The following UBE3B variants were observed in gnomAD, a reference collection of about 807,000 sequenced individuals.
UBE3B encodes the protein ubiquitin-protein ligase E3B.
UBE3B carries 80 observed loss-of-function variants against 132.3 expected under a neutral mutation model. The ratio of observed to expected loss-of-function variants is 0.60; its 90% confidence interval spans 0.50 to 0.73. The LOEUF (loss-of-function observed/expected upper bound fraction) is 0.73, where lower values mean the gene tolerates loss of function less well. UBE3B is among the 30% of genes least tolerant of loss of function. UBE3B has a pLI of 0.00. For synonymous variants in UBE3B, 487 were observed against 520.4 expected, an observed-to-expected ratio of 0.94 and a Z score of 0.87; for missense variants, 1,196 against 1,362.5, an observed-to-expected ratio of 0.88 and a Z score of 1.92.
chr12:109,508,080 G>A (rs916762986), intron 15 of UBE3B, among the ~76,000 whole-genome samples: 1 of 150,952 alleles, frequency 6.6e-6, no homozygotes, highest in Admixed American at 6.5e-5. Flanking sequence ...GAGCCAGGGT[G>A]CAGATCCTTG....
In UBE3B at chr12:109,507,725, C is replaced by A; in HGVS notation, c.1612C>A (p.His538Asn). ...MLMLFCDCSRHLITILDDIEV... is the reference protein window; with the variant it reads ...MLMLFCDCSRNLITILDDIEV... ...GATGCTGTTCTGTGACTGTTCGCGG[C>A]ACCTCATCACGTAGGTTGACTGCTG... Residue 538 changes from histidine (H) to asparagine (N), a missense_variant, in exon 15 of 28, where the codon CAC becomes AAC. His to Asn is a moderately conservative substitution (Grantham distance 68). Transcript: ENST00000342494. 6.2e-7 allele frequency: 1 copy of A among 1,612,544 alleles called. No homozygotes were observed. Among genetic ancestry groups the A allele is most frequent in the Non-Finnish European group, 8.5e-7 (1 of 1,179,278 alleles).
At chr12:109,506,126 GTA>G (rs1879639538) in intron 14 of UBE3B, among the ~76,000 whole-genome samples, 1 of 152,274 alleles carries the variant, frequency 6.6e-6, no homozygotes, top group African/African-American at 2.4e-5. Flanking sequence ...TTCCATTTTT[GTA>G]TAGTTCAGAG....
At chr12:109,527,606 G>T (rs1256344568) in intron 24 of UBE3B, among the ~76,000 whole-genome samples, 2 of 152,204 alleles carry the variant, frequency 1.3e-5, no homozygotes, top group Non-Finnish European at 2.9e-5. Flanking sequence ...AACAGACCCT[G>T]TTTTCATAAT....
chr12:109,530,882 C>T (rs563769031), intron 26 of UBE3B, among the ~76,000 whole-genome samples: 1 of 152,310 alleles, frequency 6.6e-6, no homozygotes, highest in South Asian at 2.1e-4. Context: ...CAGGGACAGG[C>T]CCCCTGCACA....
At chr12:109,543,966 G>A in the UBE3B span, among the ~76,000 whole-genome samples, 2 of 152,128 alleles carry the variant, frequency 1.3e-5, no homozygotes, top group Admixed American at 6.5e-5. Flanking sequence ...TGGGCCACCC[G>A]AGATGTTAGC....
Position 109,515,456 on chromosome 12 carries a change from G to A in UBE3B, c.1957-1309G>A, listed in dbSNP as rs528440126. ...ACGATCTTGGCTCACCACAACCTGC[G>A]CCTCCCAAGTTCAAGCGATTCTCCT... On this transcript the variant is annotated intron_variant, in intron 18 of 27. Transcript: ENST00000342494. 7.9e-5 allele frequency among the ~76,000 whole-genome samples: 12 copies of A among 151,354 alleles called. 2 individuals are homozygous for A. In the South Asian group the frequency reaches 1.9e-3, roughly 24 times the overall value.
At chr12:109,539,812 C>G (rs1054794991), downstream of UBE3B, among the ~76,000 whole-genome samples, 4 of 152,096 alleles carry the variant, frequency 2.6e-5, no homozygotes, top group African/African-American at 9.7e-5. Context: ...CCCTGTGTGC[C>G]CACACCCCAG....
intron 24 of UBE3B, among the ~76,000 whole-genome samples, chr12:109,527,042 G>A (rs1451496563): frequency 2.6e-5 from 4 of 152,046 alleles, no homozygotes; most frequent in Non-Finnish European, 5.9e-5. Context: ...AACCCAGAGG[G>A]CACAGAGGTG....
intron 4 of UBE3B, 39 bp from the exon 5 acceptor site, chr12:109,485,973 A>T (rs1876358090): frequency 6.5e-7 from 1 of 1,549,236 alleles, no homozygotes; most frequent in Non-Finnish European, 8.7e-7. Flanking sequence ...TTTTTGATGG[A>T]TTGTGGGAAT....
In UBE3B at chr12:109,528,624, C is replaced by A. The variant is rs1430700555; in HGVS notation, c.2628-1266C>A. ...ATCCCAGCACTTTGGGAGGCCAAGG[C>A]AGGTGGATCACCTGAGATCAGGAGT... On this transcript the variant is annotated intron_variant, in intron 24 of 27. Transcript: ENST00000342494. 8.1e-6 allele frequency: 3 copies of A among 372,342 alleles called. No homozygotes were observed. The South Asian group carries it at 3.3e-4, about 41-fold the overall frequency. 23.1% of individuals were successfully genotyped at this position (372,342 alleles called of 1,614,324 possible). A position where few individuals can be genotyped will look rare whatever the true frequency, so the allele number is the denominator to read the frequency against.
Position 109,491,076 on chromosome 12 carries a change from G to A in UBE3B, c.662G>A (p.Arg221His), listed in dbSNP as rs747230707. ...ILLTRGLARP[R>H]PCLSKGTLTA... ...TTAACCCGTGGCCTGGCAAGACCCC[G>A]TCCTTGTCTATCCAAAGGCACTTTA... The change falls in exon 9 of 28, where the codon CGT becomes CAT. Residue 221 changes from arginine (R) to histidine (H), a missense_variant. Arg to His is a conservative substitution (Grantham distance 29, BLOSUM62 0). Transcript: ENST00000342494. 60 of 1,613,792 alleles carry A rather than the reference G, an allele frequency of 3.7e-5. No individual in the cohort carries two copies. Among genetic ancestry groups the A allele is most frequent in the East Asian group, 2.0e-4 (9 of 44,900 alleles).
In UBE3B at chr12:109,486,038, C is replaced by A; in HGVS notation, c.309C>A (p.Ile103=). The A allele has an allele frequency of 6.4e-7, 1 of 1,555,248 alleles. No individual in the cohort carries two copies. The highest frequency in any genetic ancestry group is 2.4e-5 in the East Asian group (1 of 41,398). Residue 103 remains isoleucine, a synonymous_variant, in exon 5 of 28, where the codon ATC becomes ATA. Transcript: ENST00000342494. ...NERFEKLCRS[I]LSSMDAENEP... is the part of the protein sequence containing the mutation. ...GATTTGAGAAGTTGTGTCGCAGCATCCTGAGCAGCATGGATGCTGAGAATG... is the reference window on the plus strand; with the variant it reads ...GATTTGAGAAGTTGTGTCGCAGCATACTGAGCAGCATGGATGCTGAGAATG...
chr12:109,508,018 C>G (rs536568501), intron 15 of UBE3B, among the ~76,000 whole-genome samples: 48 of 152,274 alleles, frequency 3.2e-4, no homozygotes, highest in Admixed American at 2.7e-3. Context: ...TAGATCATGG[C>G]TCAGCCATTT....
chr12:109,523,608 A>G (rs774201507), intron 21 of UBE3B, among the ~76,000 whole-genome samples: 7 of 152,116 alleles, frequency 4.6e-5, no homozygotes, highest in Non-Finnish European at 7.4e-5. Context: ...TGCCAATGCC[A>G]TGGCTGCCCT....
At position 109,521,352 on chromosome 12, in the gene UBE3B, G is replaced by A. The variant is rs756704788; in HGVS notation, c.2253+28G>A. ...ATTTAAGGGGAGCAACAGCAGGGCT[G>A]ACAGCAGCCAGATTCAAGAAGTGAA... On this transcript the variant is annotated intron_variant, in intron 20 of 27. Coordinates refer to ENST00000342494, the MANE Select transcript of UBE3B (RefSeq NM_130466.4). This position sits in a 1 kb window ranked among gnomAD's most constrained non-coding sequence, Gnocchi z 4.2. 2 of 1,606,298 alleles carry A rather than the reference G, an allele frequency of 1.2e-6. No homozygotes were observed. The highest frequency in any genetic ancestry group is 1.7e-6 in the Non-Finnish European group (2 of 1,173,290).
intron 11 of UBE3B, 126 bp downstream of exon 11, chr12:109,498,479 C>A: frequency 9.0e-7 from 1 of 1,116,814 alleles, no homozygotes; most frequent in Non-Finnish European, 1.3e-6. Context: ...CAATAAAAAA[C>A]ACGTATTTAG....
chr12:109,483,727 C>A lies in UBE3B; in HGVS notation c.161+15C>A, dbSNP rs753969069. The stretch of plus-strand genomic sequence containing the variant: ...AGAGATATCAGGTAAGGGCTAGGAT[C>A]TCCCTAGCACATGATTCTCTGGCTC... On this transcript the variant is annotated intron_variant, in intron 3 of 27. Coordinates refer to ENST00000342494, the MANE Select transcript of UBE3B (RefSeq NM_130466.4). 3 of 1,574,274 alleles carry A rather than the reference C, an allele frequency of 1.9e-6. No individual in the cohort carries two copies. Among genetic ancestry groups the A allele is most frequent in the Non-Finnish European group, 2.6e-6 (3 of 1,160,776 alleles).
chr12:109,537,329 G>C (rs1008064591), downstream of UBE3B, among the ~76,000 whole-genome samples: 2 of 152,162 alleles, frequency 1.3e-5, no homozygotes, highest in East Asian at 3.9e-4. Flanking sequence ...GGTTTCCTCC[G>C]CACCAGGAGC....
chr12:109,542,476 T>G, the UBE3B span, among the ~76,000 whole-genome samples: 1 of 152,226 alleles, frequency 6.6e-6, no homozygotes, highest in South Asian at 2.1e-4. Context: ...CAAGATGGTG[T>G]ATGGGTTGAA....
Sources: allele counts gnomAD v4.1 joint callset (sites outside exome capture counted in the v4.1 genomes callset), GRCh38; gene constraint gnomAD v4.1.1; non-coding constraint Gnocchi (gnomAD v3.1); transcripts MANE v1.5; gene names NCBI Gene and HGNC (gene_info 2026-07-23, HGNC 2026-07-21).